The following CDH22 variants were observed in gnomAD, a reference collection of about 807,000 sequenced individuals.
CDH22 encodes the protein cadherin 22, also known as cadherin-22.
A neutral mutation model predicts 58.4 loss-of-function variants in CDH22; 30 were observed. The observed-to-expected ratio is 0.51, with a 90% CI of 0.38 to 0.70. The LOEUF is 0.70. CDH22 is among the 30% of genes least tolerant of loss of function. CDH22 has a pLI of 0.00. For missense variants in CDH22, 1,014 were observed against 1,233.9 expected, an observed-to-expected ratio of 0.82 and a Z score of 2.67; for synonymous variants, 513 against 558.2, an observed-to-expected ratio of 0.92 and a Z score of 1.14.
chr20:46,221,720 C>G (rs1029001401), intron 4 of CDH22, among the ~76,000 whole-genome samples: 1 of 152,102 alleles, frequency 6.6e-6, no homozygotes, highest in African/African-American at 2.4e-5. Context: ...GTGTGCAGGG[C>G]GGGGAGGAAT....
chr20:46,188,041 A>G (rs1235112321), intron 8 of CDH22, among the ~76,000 whole-genome samples: 1 of 152,098 alleles, frequency 6.6e-6, no homozygotes, highest in Admixed American at 6.5e-5. Context: ...CGTCTTTAAG[A>G]TCATGGTCCC....
chr20:46,175,227 C>A (rs2085730256), intron 11 of CDH22, 150 bp from the exon 12 acceptor site: 1 of 765,306 alleles, frequency 1.3e-6, no homozygotes, highest in South Asian at 2.0e-5. Flanking sequence ...GTTCAAAAAG[C>A]CATTCTTGCA....
chr20:46,211,159 G>C (rs1042700321), intron 6 of CDH22, among the ~76,000 whole-genome samples: 1 of 151,024 alleles, frequency 6.6e-6, no homozygotes, highest in African/African-American at 2.4e-5. Context: ...GCTTCTTATC[G>C]GGGGGTGCTA....
intron 1 of CDH22, among the ~76,000 whole-genome samples, chr20:46,298,527 T>C (rs1476076182): frequency 6.6e-6 from 1 of 151,848 alleles, no homozygotes; most frequent in African/African-American, 2.4e-5. Context: ...AACGGGTTGG[T>C]GGATAGATGG....
chr20:46,199,580 C>T (rs1240567304), intron 7 of CDH22, 21 bp from the exon 8 acceptor site: 2 of 1,610,760 alleles, frequency 1.2e-6, no homozygotes, highest in Middle Eastern at 3.3e-4. Context: ...CAGGGCAGGG[C>T]TGATTGAAGG....
chr20:46,302,508 C>T (rs2086656730), intron 1 of CDH22, among the ~76,000 whole-genome samples: 1 of 152,188 alleles, frequency 6.6e-6, no homozygotes, highest in African/African-American at 2.4e-5. Flanking sequence ...CTAATTGCTA[C>T]AGAGGTTCAA....
At chr20:46,209,753 C>A (rs913579952) in intron 7 of CDH22, 1 of 152,160 alleles carries the variant, frequency 6.6e-6, no homozygotes, top group African/African-American at 2.4e-5. Flanking sequence ...ATGCCTCCAA[C>A]GTTTTTAACC....
At chr20:46,224,192 C>T (rs895283383) in intron 4 of CDH22, among the ~76,000 whole-genome samples, 36 of 152,134 alleles carry the variant, frequency 2.4e-4, no homozygotes, top group African/African-American at 3.4e-4. Flanking sequence ...CATTAGGTTT[C>T]GTCCTCACAC....
chr20:46,215,287 T>C (rs1179377822), intron 5 of CDH22, among the ~76,000 whole-genome samples: 1 of 152,082 alleles, frequency 6.6e-6, no homozygotes, highest in African/African-American at 2.4e-5. Flanking sequence ...CCAGAATAGA[T>C]AATTATGGAA....
At chr20:46,191,490 G>A (rs1461285961) in intron 8 of CDH22, among the ~76,000 whole-genome samples, 2 of 152,182 alleles carry the variant, frequency 1.3e-5, no homozygotes, top group African/African-American at 2.4e-5. Flanking sequence ...CTGTTAGGGC[G>A]CTCCTATGAA....
intron 4 of CDH22, among the ~76,000 whole-genome samples, chr20:46,226,314 C>T (rs201394217): frequency 1.5e-5 from 2 of 132,190 alleles, no homozygotes; most frequent in African/African-American, 2.9e-5. Context: ...GAGACAGGGT[C>T]TTGCTCTGTT....
At chr20:46,217,929 T>C (rs946181675) in intron 4 of CDH22, among the ~76,000 whole-genome samples, 1 of 150,422 alleles carries the variant, frequency 6.6e-6, no homozygotes, top group African/African-American at 2.5e-5. Context: ...TTTTTTCTTT[T>C]CTTTCTTTTT....
chr20:46,190,882 C>T (rs1044725243), intron 8 of CDH22, among the ~76,000 whole-genome samples: 12 of 151,998 alleles, frequency 7.9e-5, no homozygotes, highest in East Asian at 3.9e-4. Flanking sequence ...AGACCAAACT[C>T]GGGGCAGGAG....
intron 1 of CDH22, among the ~76,000 whole-genome samples, chr20:46,252,513 G>T (rs956373101): frequency 3.3e-5 from 5 of 152,232 alleles, no homozygotes; most frequent in Admixed American, 1.3e-4. Flanking sequence ...AGGGACTAAC[G>T]CCTACTCAAG....
chr20:46,193,312 T>C (rs2085875148), intron 8 of CDH22, among the ~76,000 whole-genome samples: 1 of 152,104 alleles, frequency 6.6e-6, no homozygotes, highest in South Asian at 2.1e-4. Context: ...GGGAGCTCAC[T>C]GTCTCTTGAA....
chr20:46,278,814 C>G (rs2086534376), intron 1 of CDH22, among the ~76,000 whole-genome samples: 1 of 152,178 alleles, frequency 6.6e-6, no homozygotes. Flanking sequence ...TCTTGAACTC[C>G]TAGCCTCAAG....
At chr20:46,277,083 G>GT (rs1352439149) in intron 1 of CDH22, among the ~76,000 whole-genome samples, 19 of 151,434 alleles carry the variant, frequency 1.3e-4, no homozygotes, top group African/African-American at 4.4e-4. Flanking sequence ...GAGCCCAGGA[G>GT]TTTGAGACCA....
intron 1 of CDH22, among the ~76,000 whole-genome samples, chr20:46,282,099 C>G (rs547402158): frequency 2.0e-5 from 3 of 152,112 alleles, no homozygotes; most frequent in Non-Finnish European, 4.4e-5. Flanking sequence ...CCAAAGATAC[C>G]GATACTGATG....
chr20:46,191,192 C>T (rs1435021051), intron 8 of CDH22, among the ~76,000 whole-genome samples: 1 of 151,958 alleles, frequency 6.6e-6, no homozygotes, highest in Non-Finnish European at 1.5e-5. Context: ...GATGTTTTTC[C>T]TGGAAAAACA....
Sources: allele counts gnomAD v4.1 joint callset (sites outside exome capture counted in the v4.1 genomes callset), GRCh38; gene constraint gnomAD v4.1.1; transcripts MANE v1.5; gene names NCBI Gene and HGNC (gene_info 2026-07-23, HGNC 2026-07-21).